Variants in CAP2 observed in about 807,000 individuals in gnomAD.
CAP2 encodes the protein adenylyl cyclase-associated protein 2.
A neutral mutation model predicts 57.7 loss-of-function variants in CAP2; 24 were observed. That is an observed-to-expected ratio of 0.42 (90% CI 0.30 to 0.58). The LOEUF is 0.58. CAP2 is among the 20% of genes least tolerant of loss of function. The pLI is 0.22. For missense variants in CAP2, 501 were observed against 590.3 expected, an observed-to-expected ratio of 0.85 and a Z score of 1.57; for synonymous variants, 194 against 207.2, an observed-to-expected ratio of 0.94 and a Z score of 0.55.
chr6:17,531,487 A>G (rs911419308), intron 7 of CAP2: 44 of 1,490,670 alleles, frequency 3.0e-5, no homozygotes, highest in Non-Finnish European at 3.7e-5. Flanking sequence ...TCGCTTTTTC[A>G]TAGATAAGCT....
intron 7 of CAP2, among the ~76,000 whole-genome samples, chr6:17,525,955 T>G (rs1762494465): frequency 6.6e-6 from 1 of 152,190 alleles, no homozygotes; most frequent in Non-Finnish European, 1.5e-5. Context: ...TCAGTAGCAG[T>G]GACTGGTACC....
chr6:17,469,515 G>A (rs1032816512), intron 4 of CAP2, among the ~76,000 whole-genome samples: 2 of 152,076 alleles, frequency 1.3e-5, no homozygotes, highest in African/African-American at 4.8e-5. Context: ...CAACTTCAGG[G>A]AAGATGATTT....
In CAP2 at chr6:17,557,520, T is replaced by G. The variant is rs994008856; in HGVS notation, c.*1078T>G. 2.6e-5 allele frequency: 4 copies of G among 152,214 alleles called. No individual in the cohort carries two copies. The highest frequency in any genetic ancestry group is 9.7e-5 in the African/African-American group (4 of 41,448). 9.4% of individuals were successfully genotyped at this position (152,214 alleles called of 1,614,324 possible). ...ATAGTGCTGAAAAATCTGCAACTTC[T>G]TGGATCATATTTAATGAATTATAGT... On this transcript the variant is annotated 3_prime_UTR_variant, in exon 13 of 13. Coordinates refer to ENST00000229922, the MANE Select transcript of CAP2 (RefSeq NM_006366.3).
At chr6:17,487,140 GA>G (rs1175395801) in intron 4 of CAP2, among the ~76,000 whole-genome samples, 1 of 152,166 alleles carries the variant, frequency 6.6e-6, no homozygotes, top group South Asian at 2.1e-4. Context: ...AGATACTGAA[GA>G]AAAGAAGCCA....
chr6:17,468,908 G>C (rs1049220531), intron 4 of CAP2, among the ~76,000 whole-genome samples: 3 of 152,220 alleles, frequency 2.0e-5, no homozygotes, highest in African/African-American at 7.2e-5. Context: ...TCACTGTCCA[G>C]AGTCCTTTTT....
At chr6:17,521,881 G>A (rs1762400637) in intron 7 of CAP2, among the ~76,000 whole-genome samples, 1 of 152,092 alleles carries the variant, frequency 6.6e-6, no homozygotes, top group African/African-American at 2.4e-5. Flanking sequence ...GGCTGAGGCG[G>A]GTAGATCACC....
At chr6:17,447,163 C>T (rs1383014184) in intron 3 of CAP2, among the ~76,000 whole-genome samples, 2 of 139,848 alleles carry the variant, frequency 1.4e-5, no homozygotes, top group African/African-American at 5.5e-5. Flanking sequence ...ACTGCGACCA[C>T]AGGCAGCTAA....
chr6:17,546,539 T>A (rs1581612905), intron 11 of CAP2, among the ~76,000 whole-genome samples: 1 of 152,250 alleles, frequency 6.6e-6, no homozygotes, highest in East Asian at 1.9e-4. Context: ...GCAGAAGCTC[T>A]TTAGTTTAAT....
chr6:17,395,740 A>T (rs992443939), intron 1 of CAP2, among the ~76,000 whole-genome samples: 2 of 152,186 alleles, frequency 1.3e-5, no homozygotes, highest in African/African-American at 4.8e-5. Flanking sequence ...ATTATGTAAC[A>T]TTTTATATGT....
At chr6:17,543,028 G>A in intron 10 of CAP2, 33 bp from the exon 11 acceptor site, 1 of 1,612,588 alleles carries the variant, frequency 6.2e-7, no homozygotes, top group Non-Finnish European at 8.5e-7. Flanking sequence ...ATTTAGTGGA[G>A]TTGGTTTTTT....
Position 17,466,750 on chromosome 6 carries a change from T to C in CAP2, c.300+3677T>C, listed in dbSNP as rs139732941. ...ATCCACAATCCCAACAAGCACAGAATCCCTTGGTAGTCAAATCTCGAATTC... is the reference window on the plus strand; with the variant it reads ...ATCCACAATCCCAACAAGCACAGAACCCCTTGGTAGTCAAATCTCGAATTC... On this transcript the variant is annotated intron_variant, in intron 4 of 12. Transcript: ENST00000229922. Among the ~76,000 whole-genome samples, 311 of 152,286 alleles carry C rather than the reference T, an allele frequency of 2.0e-3. 1 individual carries two copies. The highest frequency in any genetic ancestry group is 7.1e-3 in the African/African-American group (297 of 41,556).
chr6:17,504,734 C>G (rs1436373968), intron 4 of CAP2, among the ~76,000 whole-genome samples: 2 of 152,214 alleles, frequency 1.3e-5, no homozygotes, highest in African/African-American at 2.4e-5. Flanking sequence ...AACACACACA[C>G]ACACACTTCA....
At chr6:17,516,909 T>A (rs192950686) in intron 7 of CAP2, among the ~76,000 whole-genome samples, 119 of 152,332 alleles carry the variant, frequency 7.8e-4, no homozygotes, top group African/African-American at 2.5e-3. Flanking sequence ...AGCACTGAAA[T>A]GCACAGTGCA....
At chr6:17,405,623 A>G (rs768685291) in intron 1 of CAP2, among the ~76,000 whole-genome samples, 1 of 152,156 alleles carries the variant, frequency 6.6e-6, no homozygotes, top group Non-Finnish European at 1.5e-5. Flanking sequence ...GCAAAGGGCA[A>G]CTACTCTATT....
intron 1 of CAP2, among the ~76,000 whole-genome samples, chr6:17,412,130 C>T (rs1208373863): frequency 6.6e-6 from 1 of 152,072 alleles, no homozygotes. Flanking sequence ...AGCCAGGATT[C>T]GAGATGTACT....
chr6:17,519,391 A>G (rs1434123644), intron 7 of CAP2, among the ~76,000 whole-genome samples: 1 of 152,110 alleles, frequency 6.6e-6, no homozygotes, highest in Non-Finnish European at 1.5e-5. Context: ...CTGTGGAATA[A>G]TCTGTCTGGA....
chr6:17,494,995 C>A (rs1761630160), intron 4 of CAP2, among the ~76,000 whole-genome samples: 1 of 152,328 alleles, frequency 6.6e-6, no homozygotes, highest in African/African-American at 2.4e-5. Flanking sequence ...CTTCCTGGAT[C>A]TCCAGCCTGC....
chr6:17,394,218 A>C (rs1457738518), intron 1 of CAP2, among the ~76,000 whole-genome samples: 1 of 151,928 alleles, frequency 6.6e-6, no homozygotes, highest in Non-Finnish European at 1.5e-5. Flanking sequence ...CTCGATCAGA[A>C]AGTGCTGGAA....
At chr6:17,460,523 TA>T (rs1760689985) in intron 3 of CAP2, among the ~76,000 whole-genome samples, 1 of 152,198 alleles carries the variant, frequency 6.6e-6, no homozygotes, top group Admixed American at 6.5e-5. Context: ...GGAAAAAGTG[TA>T]AGTACTTATG....
Sources: allele counts gnomAD v4.1 joint callset (sites outside exome capture counted in the v4.1 genomes callset), GRCh38; gene constraint gnomAD v4.1.1; transcripts MANE v1.5; gene names NCBI Gene and HGNC (gene_info 2026-07-23, HGNC 2026-07-21).